Variants in SEMG1 observed in about 807,000 individuals in gnomAD.
The protein encoded by SEMG1 is semenogelin-1.
A neutral mutation model predicts 8.8 loss-of-function variants in SEMG1; 6 were observed. That is an observed-to-expected ratio of 0.68 (90% CI 0.37 to 1.35). SEMG1 has a LOEUF of 1.35. SEMG1 is among the 40% of genes most tolerant of loss of function. SEMG1 has a pLI of 0.02. For missense variants in SEMG1, 580 were observed against 533.6 expected, an observed-to-expected ratio of 1.09 and a Z score of -0.86; for synonymous variants, 221 against 190.3, an observed-to-expected ratio of 1.16 and a Z score of -1.33.
chr20:45,208,412 G>T lies in SEMG1; in HGVS notation c.1115G>T (p.Arg372Leu), dbSNP rs2233887. The change falls in exon 2 of 3, where the codon CGC (arginine) becomes CTC (leucine). Residue 372 changes from arginine to leucine, a missense_variant. Physicochemically the swap from Arg to Leu is moderately radical, Grantham distance 102. Transcript: ENST00000372781. ...GGTGTGCAGAAAGATGTATCCCAAC[G>T]CAGTATTTATAGCCAAACTGAAAAG... is the stretch of plus-strand genomic sequence containing the variant. Reference protein sequence around the residue: ...ENGVQKDVSQRSIYSQTEKLV... With the variant: ...ENGVQKDVSQLSIYSQTEKLV... 3.5e-3 allele frequency: 5,601 copies of T among 1,614,020 alleles called. 68 individuals carry two copies. The highest frequency in any genetic ancestry group is 0.033 in the African/African-American group (2,489 of 75,034).
intron 2 of SEMG1, 98 bp downstream of exon 2, chr20:45,208,828 C>A: frequency 1.6e-6 from 1 of 620,158 alleles, no homozygotes; most frequent in Non-Finnish European, 2.8e-6. Context: ...CCATTGTTCG[C>A]ACCAATAGAA....
Position 45,207,958 on chromosome 20 carries a change from C to T in SEMG1, c.661C>T (p.Gln221Ter), listed in dbSNP as rs200241766. 1.1e-5 allele frequency: 18 copies of T among 1,613,916 alleles called. No homozygotes were observed. Among genetic ancestry groups the T allele is most frequent in the Middle Eastern group, 1.7e-4 (1 of 6,058 alleles). The change falls in exon 2 of 3, where the codon CAA (glutamine) becomes TAA (stop). Residue 221 changes from glutamine to a stop codon, truncating the protein, a stop_gained. Coordinates refer to ENST00000372781, the MANE Select transcript of SEMG1 (RefSeq NM_003007.5). LOFTEE classifies it low-confidence loss of function (END_TRUNC). ...KNSHQNKGHY[Q>*]NVVEVREEHS... is the part of the protein sequence containing the mutation. ...TTCTCATCAAAATAAAGGGCATTAC[C>T]AAAATGTGGTTGAAGTGAGAGAGGA...
rs61729393 is a variant in SEMG1, at chr20:45,207,596, T to A, written c.299T>A (p.Leu100Gln). ...LHKTTKSQRH[L>Q]GGSQQLLHNK... Reference sequence around the variant, plus strand: ...AAGACGACAAAATCACAACGACATCTAGGTGGAAGTCAACAACTGCTCCAT... The same window carrying A: ...AAGACGACAAAATCACAACGACATCAAGGTGGAAGTCAACAACTGCTCCAT... The change falls in exon 2 of 3, where the codon CTA becomes CAA. Residue 100 changes from leucine (L) to glutamine (Q), a missense_variant. Physicochemically the swap from Leu to Gln is moderately radical, Grantham distance 113. Transcript: ENST00000372781. 3.5e-3 allele frequency: 5,593 copies of A among 1,613,484 alleles called. 67 individuals are homozygous for A. Among genetic ancestry groups the A allele is most frequent in the African/African-American group, 0.033 (2,488 of 74,948 alleles).
chr20:45,207,835 G>A lies in SEMG1; in HGVS notation c.538G>A (p.Gly180Ser). 2.5e-6 allele frequency: 4 copies of A among 1,613,668 alleles called. 1 individual carries two copies. Among genetic ancestry groups the A allele is most frequent in the Middle Eastern group, 3.3e-4 (2 of 6,060 alleles). ...AAGTAAAGAACAAACTTCCGTCTCT[G>A]GTGCACAAAAAGGTAGAAAACAAGG... Reference protein sequence around the residue: ...GLSKEQTSVSGAQKGRKQGGS... With the variant: ...GLSKEQTSVSSAQKGRKQGGS... Residue 180 changes from glycine (G) to serine (S), a missense_variant, in exon 2 of 3, where the codon GGT becomes AGT. Transcript: ENST00000372781.
chr20:45,207,782 C>T lies in SEMG1; in HGVS notation c.485C>T (p.Thr162Ile). The T allele has an allele frequency of 1.2e-6, 2 of 1,613,964 alleles. No homozygotes were observed. The highest frequency in any genetic ancestry group is 1.7e-4 in the Middle Eastern group (1 of 6,060). ...GKGISSQYSN[T>I]EERLWVHGLS... is the part of the protein sequence containing the mutation. ...GGAATATCCAGTCAATATTCAAACACAGAAGAAAGGCTGTGGGTTCATGGA... is the reference window on the plus strand; with the variant it reads ...GGAATATCCAGTCAATATTCAAACATAGAAGAAAGGCTGTGGGTTCATGGA... Residue 162 changes from threonine to isoleucine, a missense_variant, in exon 2 of 3, where the codon ACA (threonine) becomes ATA (isoleucine). Coordinates refer to ENST00000372781, the MANE Select transcript of SEMG1 (RefSeq NM_003007.5).
At chr20:45,208,752 G>A in intron 2 of SEMG1, 22 bp downstream of exon 2, 1 of 1,069,968 alleles carries the variant, frequency 9.3e-7, no homozygotes. Context: ...TTAGCAAATA[G>A]GGGAGATATC....
Position 45,207,130 on chromosome 20 carries a change from G to C in SEMG1, c.76+1G>C, listed in dbSNP as rs749293002. 8.7e-6 allele frequency: 14 copies of C among 1,613,618 alleles called. No individual in the cohort carries two copies. Among genetic ancestry groups the C allele is most frequent in the Non-Finnish European group, 1.1e-5 (13 of 1,179,764 alleles). On this transcript the variant is annotated splice_donor_variant, in intron 1 of 2. Transcript: ENST00000372781. LOFTEE classifies it high-confidence loss of function. ...CAAGCAGCTGTGATGGGACAAAAAG[G>C]TGAGTGGAGAGGGTAAGCCTTGGGG...
At position 45,208,637 on chromosome 20, in the gene SEMG1, G is replaced by A. The variant is rs79500955; in HGVS notation, c.1340G>A (p.Arg447His). 11,186 of 1,612,472 alleles carry A rather than the reference G, an allele frequency of 6.9e-3. 61 individuals carry two copies. The highest frequency in any genetic ancestry group is 7.6e-3 in the Non-Finnish European group (9,015 of 1,179,436). The change falls in exon 2 of 3, where the codon CGT becomes CAT. Residue 447 changes from arginine (R) to histidine (H), a missense_variant. Physicochemically the swap from Arg to His is conservative, Grantham distance 29 (BLOSUM62 0). Transcript: ENST00000372781. ...VIIEQEDDSD[R>H]HLAQHLNNDR... ...ATAGAGCAGGAAGATGACAGTGATC[G>A]TCATTTGGCACAACATCTTAACAAC...
Position 45,208,365 on chromosome 20 carries a change from A to G in SEMG1, c.1068A>G (p.Arg356=). The part of the protein sequence containing the change: ...ISYQSSSTEE[R]RLHYGENGVQ... ...ACCAATCTTCAAGTACGGAAGAAAGACGACTCCACTATGGAGAAAATGGTG... is the reference window on the plus strand; with the variant it reads ...ACCAATCTTCAAGTACGGAAGAAAGGCGACTCCACTATGGAGAAAATGGTG... Residue 356 remains arginine (R), a synonymous_variant, in exon 2 of 3, where the codon AGA becomes AGG. Coordinates refer to ENST00000372781, the MANE Select transcript of SEMG1 (RefSeq NM_003007.5). The G allele has an allele frequency of 6.2e-7, 1 of 1,612,910 alleles. No homozygotes were observed. Among genetic ancestry groups the G allele is most frequent in the East Asian group, 2.2e-5 (1 of 44,876 alleles).
In SEMG1 at chr20:45,208,614, A is replaced by G. The variant is rs1983771538; in HGVS notation, c.1317A>G (p.Ile439Met). Residue 439 changes from isoleucine (I) to methionine (M), a missense_variant, in exon 2 of 3, where the codon ATA becomes ATG. Coordinates refer to ENST00000372781, the MANE Select transcript of SEMG1 (RefSeq NM_003007.5). ...GSHGGLDIVI[I>M]EQEDDSDRHL... ...ATGGGGGATTGGATATTGTAATTAT[A>G]GAGCAGGAAGATGACAGTGATCGTC... 5 of 1,613,582 alleles carry G rather than the reference A, an allele frequency of 3.1e-6. No individual in the cohort carries two copies. The highest frequency in any genetic ancestry group is 4.2e-6 in the Non-Finnish European group (5 of 1,179,824).
At position 45,208,099 on chromosome 20, in the gene SEMG1, C is replaced by A; in HGVS notation, c.802C>A (p.His268Asn). The part of the protein sequence containing the change: ...DELLVYNKNQ[H>N]QTKNLNQDQQ... ...GCTCCTAGTATATAACAAGAATCAA[C>A]ACCAGACAAAAAATCTCAATCAAGA... The change falls in exon 2 of 3, where the codon CAC becomes AAC. Residue 268 changes from histidine (H) to asparagine (N), a missense_variant. Transcript: ENST00000372781. 1 of 1,613,950 alleles carries A rather than the reference C, an allele frequency of 6.2e-7. No individual in the cohort carries two copies. Among genetic ancestry groups the A allele is most frequent in the Non-Finnish European group, 8.5e-7 (1 of 1,179,954 alleles).
Position 45,208,730 on chromosome 20 carries a change from G to A in SEMG1, c.*44G>A. On this transcript the variant is annotated splice_region_variant and 3_prime_UTR_variant, in exon 2 of 3. Transcript: ENST00000372781. Reference sequence around the variant, plus strand: ...ATGTGAAAGGATGGACCAATATCAAGGTAATTTTTTTTTAGCAAATAGGGG... The same window carrying A: ...ATGTGAAAGGATGGACCAATATCAAAGTAATTTTTTTTTAGCAAATAGGGG... The A allele has an allele frequency of 7.1e-7, 1 of 1,413,104 alleles. No individual in the cohort carries two copies. The allele number at this position is 1,413,104 out of a possible 1,614,324, so 87.5% of individuals were successfully genotyped here.
chr20:45,208,537 G>A lies in SEMG1; in HGVS notation c.1240G>A (p.Glu414Lys). 6.2e-7 allele frequency: 1 copy of A among 1,614,026 alleles called. No homozygotes were observed. Among genetic ancestry groups the A allele is most frequent in the Non-Finnish European group, 8.5e-7 (1 of 1,179,944 alleles). Residue 414 changes from glutamate to lysine, a missense_variant, in exon 2 of 3, where the codon GAA becomes AAA. Physicochemically the swap from Glu to Lys is moderately conservative, Grantham distance 56 (BLOSUM62 1). Transcript: ENST00000372781. Reference protein sequence around the residue: ...KGESGQSTNREQDLLSHEQKG... With the variant: ...KGESGQSTNRKQDLLSHEQKG... Reference sequence around the variant, plus strand: ...AGAGTCTGGCCAATCTACAAATAGAGAACAAGACCTACTCAGTCATGAACA... The same window carrying A: ...AGAGTCTGGCCAATCTACAAATAGAAAACAAGACCTACTCAGTCATGAACA...
chr20:45,208,961 A>G (rs1376744858), intron 2 of SEMG1, among the ~76,000 whole-genome samples: 1 of 152,168 alleles, frequency 6.6e-6, no homozygotes, highest in African/African-American at 2.4e-5. Flanking sequence ...CCTTAATTGA[A>G]TATTCTTCAA....
chr20:45,208,315 A>T lies in SEMG1; in HGVS notation c.1018A>T (p.Ser340Cys). 1 of 1,600,956 alleles carries T rather than the reference A, an allele frequency of 6.2e-7. No homozygotes were observed. Among genetic ancestry groups the T allele is most frequent in the East Asian group, 2.2e-5 (1 of 44,626 alleles). ...ITIPSQEQEH[S>C]QKANKISYQS... is the part of the protein sequence containing the mutation. ...AATTCCCAGTCAAGAGCAAGAGCAT[A>T]GCCAAAAGGCAAATAAAATATCATA... Residue 340 changes from serine (S) to cysteine (C), a missense_variant, in exon 2 of 3, where the codon AGC (serine) becomes TGC (cysteine). Ser to Cys is a moderately radical substitution (Grantham distance 112). Coordinates refer to ENST00000372781, the MANE Select transcript of SEMG1 (RefSeq NM_003007.5).
intron 1 of SEMG1, 119 bp from the exon 2 acceptor site, chr20:45,207,255 A>C: frequency 6.8e-7 from 1 of 1,480,896 alleles, no homozygotes. Flanking sequence ...GATTTTCTCC[A>C]CCCAAAGCTT....
chr20:45,207,944 A>T lies in SEMG1; in HGVS notation c.647A>T (p.Asn216Ile), dbSNP rs756699012. The T allele has an allele frequency of 6.2e-7, 1 of 1,614,114 alleles. No individual in the cohort carries two copies. The highest frequency in any genetic ancestry group is 1.7e-5 in the Admixed American group (1 of 60,012). ...QQRETKNSHQ[N>I]KGHYQNVVEV... ...CGTGAGACTAAAAATTCTCATCAAA[A>T]TAAAGGGCATTACCAAAATGTGGTT... Residue 216 changes from asparagine to isoleucine, a missense_variant, in exon 2 of 3, where the codon AAT becomes ATT. Transcript: ENST00000372781.
At chr20:45,207,312 G>T (rs989015279) in intron 1 of SEMG1, 62 bp from the exon 2 acceptor site, 42 of 1,453,022 alleles carry the variant, frequency 2.9e-5, no homozygotes, top group Non-Finnish European at 3.1e-5. Flanking sequence ...AAAGTGGGGG[G>T]TAAGAGTTGT....
chr20:45,208,106 C>CA lies in SEMG1; in HGVS notation c.815dup (p.Asn272LysfsTer14), dbSNP rs752338292. 37 of 1,613,210 alleles carry CA rather than the reference C, an allele frequency of 2.3e-5. No homozygotes were observed. Among genetic ancestry groups the CA allele is most frequent in the East Asian group, 2.2e-5 (1 of 44,826 alleles). On this transcript the variant is annotated frameshift_variant, in exon 2 of 3. Transcript: ENST00000372781. LOFTEE classifies it low-confidence loss of function (END_TRUNC). Reference sequence around the variant, plus strand: ...GTATATAACAAGAATCAACACCAGACAAAAAATCTCAATCAAGATCAACAG... The same window carrying CA: ...GTATATAACAAGAATCAACACCAGACAAAAAAATCTCAATCAAGATCAACAG...
Sources: gnomAD v4.1 joint callset for allele counts (sites outside exome capture counted in the v4.1 genomes callset) on GRCh38, gnomAD v4.1.1 for gene constraint, MANE v1.5 for transcripts, NCBI Gene and HGNC (gene_info 2026-07-23, HGNC 2026-07-21) for gene names.